LRRC4C: variants seen among roughly 807,000 people sequenced by gnomAD.
The protein encoded by LRRC4C is leucine rich repeat containing 4C, also known as leucine-rich repeat-containing protein 4C.
Under a neutral mutation model 33.6 loss-of-function variants are expected in LRRC4C, and 5 were observed. That is an observed-to-expected ratio of 0.15 (90% CI 0.08 to 0.31). The LOEUF (loss-of-function observed/expected upper bound fraction) is 0.31, where lower values mean the gene tolerates loss of function less well. Ranked by LOEUF, LRRC4C falls within the 10% of genes least tolerant of loss-of-function variation. The pLI is 1.00. For synonymous variants in LRRC4C, 329 were observed against 302.0 expected, an observed-to-expected ratio of 1.09 and a Z score of -0.93; for missense variants, 560 against 796.7, an observed-to-expected ratio of 0.70 and a Z score of 3.58.
At chr11:40,578,169 T>TTTTTTTTTTTTTTTTTG (rs1958301328) in intron 3 of LRRC4C, among the ~76,000 whole-genome samples, 1 of 131,830 alleles carries the variant, frequency 7.6e-6, no homozygotes, top group Non-Finnish European at 1.6e-5. Flanking sequence ...TTTTTTTTTT[T>TTTTTTTTTTTTTTTTTG]TGCCTCTTAA....
chr11:40,999,147 A>C (rs540670040), intron 1 of LRRC4C, among the ~76,000 whole-genome samples: 1 of 152,202 alleles, frequency 6.6e-6, no homozygotes, highest in African/African-American at 2.4e-5. Context: ...TCTCAGCCTG[A>C]TGACACGTCA....
At chr11:40,815,936 A>T (rs138159743) in intron 2 of LRRC4C, among the ~76,000 whole-genome samples, 1 of 152,230 alleles carries the variant, frequency 6.6e-6, no homozygotes, top group South Asian at 2.1e-4. Context: ...AGAATATAAG[A>T]TGCTTTCTAT....
intron 5 of LRRC4C, among the ~76,000 whole-genome samples, chr11:40,190,935 G>T (rs1861790885): frequency 6.6e-6 from 1 of 152,090 alleles, no homozygotes; most frequent in Non-Finnish European, 1.5e-5. Flanking sequence ...AGGGAGCTTG[G>T]GATATTTGCA....
chr11:40,305,330 T>C (rs1252502861), intron 4 of LRRC4C, among the ~76,000 whole-genome samples: 5 of 152,198 alleles, frequency 3.3e-5, no homozygotes, highest in Admixed American at 3.3e-4. Flanking sequence ...AAATGTGTTG[T>C]CCATGAGAGT....
At chr11:40,840,070 G>A (rs1952847103) in intron 2 of LRRC4C, among the ~76,000 whole-genome samples, 1 of 152,052 alleles carries the variant, frequency 6.6e-6, no homozygotes, top group African/African-American at 2.4e-5. Context: ...AATTTCCAGA[G>A]TGCCAAAAAT....
chr11:40,904,890 T>C (rs1005042385), intron 2 of LRRC4C, among the ~76,000 whole-genome samples: 1 of 152,182 alleles, frequency 6.6e-6, no homozygotes, highest in Non-Finnish European at 1.5e-5. Context: ...TAAAAGTCGA[T>C]GTTCAAAGGA....
chr11:40,554,162 A>T (rs1254179673), intron 3 of LRRC4C, among the ~76,000 whole-genome samples: 1 of 152,146 alleles, frequency 6.6e-6, no homozygotes, highest in Non-Finnish European at 1.5e-5. Flanking sequence ...GCATATGGTT[A>T]GCCAGTTTTC....
chr11:40,239,136 C>T (rs1217164746), intron 5 of LRRC4C, among the ~76,000 whole-genome samples: 2 of 152,152 alleles, frequency 1.3e-5, no homozygotes, highest in Non-Finnish European at 2.9e-5. Context: ...TGTTCTAAAT[C>T]CTTACTCAAA....
intron 2 of LRRC4C, among the ~76,000 whole-genome samples, chr11:40,767,494 G>A (rs1250613270): frequency 2.0e-5 from 3 of 151,904 alleles, no homozygotes; most frequent in Non-Finnish European, 2.9e-5. Flanking sequence ...ATTTACAGAA[G>A]GTTTTATTCA....
intron 6 of LRRC4C, among the ~76,000 whole-genome samples, chr11:40,133,090 C>T (rs183369481): frequency 7.2e-5 from 11 of 152,210 alleles, no homozygotes; most frequent in Admixed American, 4.6e-4. Flanking sequence ...GTTGGTAATG[C>T]GGTTAATAGC....
At chr11:40,502,203 C>G (rs1954811336) in intron 3 of LRRC4C, among the ~76,000 whole-genome samples, 1 of 152,156 alleles carries the variant, frequency 6.6e-6, no homozygotes, top group Non-Finnish European at 1.5e-5. Flanking sequence ...AGCCATTCAA[C>G]AAGTCTCTAG....
intron 2 of LRRC4C, among the ~76,000 whole-genome samples, chr11:40,763,941 G>A (rs1423859754): frequency 6.6e-6 from 1 of 152,180 alleles, no homozygotes; most frequent in East Asian, 1.9e-4. Context: ...AGAGCCAGTG[G>A]AATTGCAGTG....
chr11:41,076,628 T>G (rs1939170750), intron 1 of LRRC4C, among the ~76,000 whole-genome samples: 1 of 152,148 alleles, frequency 6.6e-6, no homozygotes, highest in African/African-American at 2.4e-5. Flanking sequence ...TACCTGAGGA[T>G]TACATTATTA....
At chr11:40,612,792 C>T (rs1045194453) in intron 3 of LRRC4C, among the ~76,000 whole-genome samples, 3 of 151,790 alleles carry the variant, frequency 2.0e-5, no homozygotes, top group Non-Finnish European at 4.4e-5. Flanking sequence ...AAACTTAATA[C>T]AGGCATACCT....
At chr11:40,320,014 T>C (rs1028575676) in intron 3 of LRRC4C, among the ~76,000 whole-genome samples, 1 of 152,146 alleles carries the variant, frequency 6.6e-6, no homozygotes, top group Non-Finnish European at 1.5e-5. Flanking sequence ...TAGTCTTTCA[T>C]TTCTTTTTTA....
chr11:41,019,883 A>G (rs937835725), intron 1 of LRRC4C, among the ~76,000 whole-genome samples: 2 of 152,088 alleles, frequency 1.3e-5, no homozygotes, highest in Non-Finnish European at 2.9e-5. Flanking sequence ...TTTCTTGTAA[A>G]TATGTTTAAG....
intron 1 of LRRC4C, among the ~76,000 whole-genome samples, chr11:41,359,653 T>C (rs758012765): frequency 1.3e-5 from 2 of 152,298 alleles, no homozygotes; most frequent in East Asian, 1.9e-4. Context: ...TATTACATTA[T>C]TGTACTTTAA....
At chr11:40,572,137 C>G (rs948933529) in intron 3 of LRRC4C, among the ~76,000 whole-genome samples, 1 of 152,140 alleles carries the variant, frequency 6.6e-6, no homozygotes, top group African/African-American at 2.4e-5. Context: ...CAGGAACAAA[C>G]AGTCATTTTG....
intron 2 of LRRC4C, among the ~76,000 whole-genome samples, chr11:40,761,455 C>A (rs1406163017): frequency 6.6e-6 from 1 of 152,090 alleles, no homozygotes; most frequent in South Asian, 2.1e-4. Context: ...AAGAAAGCCT[C>A]ACCTGCAACC....
Sources: allele counts gnomAD v4.1 joint callset (sites outside exome capture counted in the v4.1 genomes callset), GRCh38; gene constraint gnomAD v4.1.1; transcripts MANE v1.5; gene names NCBI Gene and HGNC (gene_info 2026-07-23, HGNC 2026-07-21).